The following HSPA12A variants were observed in gnomAD, a reference collection of about 807,000 sequenced individuals.
The protein encoded by HSPA12A is heat shock protein family A (Hsp70) member 12A.
Under a neutral mutation model 69.2 loss-of-function variants are expected in HSPA12A, and 28 were observed. The observed-to-expected ratio is 0.40, with a 90% confidence interval of 0.30 to 0.55. The LOEUF is 0.55. Among genes scored for constraint, HSPA12A ranks in the 20% least tolerant of loss-of-function variants. The pLI is 0.38. For missense variants in HSPA12A, 686 were observed against 900.7 expected (o/e 0.76, Z 3.05); for synonymous variants, 345 against 370.5 (o/e 0.93, Z 0.79).
chr10:116,788,473 C>A (rs748954680), intron 2 of HSPA12A, among the ~76,000 whole-genome samples: 1 of 152,186 alleles, frequency 6.6e-6, no homozygotes, highest in Non-Finnish European at 1.5e-5. Context: ...TTGCAAAATA[C>A]ATATTCTCAT....
chr10:116,711,188 T>C (rs1850414670), intron 1 of HSPA12A, among the ~76,000 whole-genome samples: 1 of 152,184 alleles, frequency 6.6e-6, no homozygotes, highest in African/African-American at 2.4e-5. Flanking sequence ...TGCCATTAAG[T>C]GTGGCCCTGC....
At chr10:116,715,731 T>C (rs781909683) in intron 1 of HSPA12A, among the ~76,000 whole-genome samples, 1 of 152,248 alleles carries the variant, frequency 6.6e-6, no homozygotes, top group Non-Finnish European at 1.5e-5. Context: ...TCAATGTTTT[T>C]CTTCCGCTGT....
upstream of HSPA12A, chr10:116,742,662 C>T (rs1851554686): frequency 1.1e-6 from 1 of 947,218 alleles, no homozygotes; most frequent in Non-Finnish European, 1.3e-6. Flanking sequence ...GCGCCCCGCC[C>T]CTCCGAGCTC....
chr10:116,699,972 C>G (rs991598529), intron 4 of HSPA12A, among the ~76,000 whole-genome samples: 2 of 152,230 alleles, frequency 1.3e-5, no homozygotes, highest in African/African-American at 4.8e-5. Context: ...CAAATGAAAG[C>G]AATTAGAATA....
At chr10:116,769,624 C>T (rs1419367078) in intron 2 of HSPA12A, among the ~76,000 whole-genome samples, 2 of 152,180 alleles carry the variant, frequency 1.3e-5, no homozygotes, top group Admixed American at 6.5e-5. Flanking sequence ...ATCGATTCCC[C>T]GTCTAAGTGC....
intron 6 of HSPA12A, among the ~76,000 whole-genome samples, chr10:116,690,771 C>T (rs1554880054): frequency 6.6e-6 from 1 of 152,090 alleles, no homozygotes; most frequent in African/African-American, 2.4e-5. Context: ...CTCAAACTCC[C>T]CTGACAGATT....
At chr10:116,787,440 CAA>C (rs776783179) in intron 2 of HSPA12A, among the ~76,000 whole-genome samples, 719 of 68,596 alleles carry the variant, frequency 0.01, 4 homozygotes, top group African/African-American at 0.034. Flanking sequence ...CTCTAGCCAG[CAA>C]AAAAAAAAAA....
At chr10:116,839,590 G>A (rs944097592) in intron 1 of HSPA12A, among the ~76,000 whole-genome samples, 3 of 120,578 alleles carry the variant, frequency 2.5e-5, no homozygotes, top group Admixed American at 1.0e-4. Context: ...AAAGGACTTC[G>A]TAGATGCCTA....
chr10:116,683,896 T>C lies in HSPA12A; in HGVS notation c.730A>G (p.Ile244Val), dbSNP rs368255966. 37 of 1,596,792 alleles carry C rather than the reference T, an allele frequency of 2.3e-5. No homozygotes were observed. Among genetic ancestry groups the C allele is most frequent in the Non-Finnish European group, 3.0e-5 (35 of 1,166,960 alleles). Residue 244 changes from isoleucine to valine, a missense_variant, in exon 7 of 12, where the codon ATC becomes GTC. Coordinates refer to ENST00000369209, the MANE Select transcript of HSPA12A (RefSeq NM_025015.3). Reference sequence around the variant, plus strand: ...TGTAGCCGCAGCTTTCGGCAGTAGATAGAGGCTGCCTCAGGCTCCAAGGCA... The same window carrying C: ...TGTAGCCGCAGCTTTCGGCAGTAGACAGAGGCTGCCTCAGGCTCCAAGGCA... The part of the protein sequence containing the change: ...IIALEPEAAS[I>V]YCRKLRLHQM...
upstream of HSPA12A, among the ~76,000 whole-genome samples, chr10:116,743,715 T>A (rs868981926): frequency 1.3e-5 from 2 of 150,416 alleles, no homozygotes. Context: ...GAGAGCGTTA[T>A]GGATGACGGA....
chr10:116,843,880 G>A (rs1238973837), intron 1 of HSPA12A, among the ~76,000 whole-genome samples: 2 of 152,108 alleles, frequency 1.3e-5, no homozygotes, highest in East Asian at 1.9e-4. Context: ...ATGTCTCTTC[G>A]TGGTGCTTAA....
intron 2 of HSPA12A, among the ~76,000 whole-genome samples, chr10:116,774,300 C>T (rs1169931771): frequency 1.1e-4 from 17 of 152,314 alleles, no homozygotes; most frequent in Admixed American, 5.2e-4. Context: ...TGAGCCACCG[C>T]GCCCGGCCGG....
intron 2 of HSPA12A, among the ~76,000 whole-genome samples, chr10:116,749,334 C>T (rs1244549905): frequency 1.3e-5 from 2 of 152,190 alleles, no homozygotes; most frequent in African/African-American, 4.8e-5. Flanking sequence ...CTGGGCATTG[C>T]TCTGGGAACC....
chr10:116,702,691 C>T (rs1242750618), intron 3 of HSPA12A, among the ~76,000 whole-genome samples: 1 of 151,952 alleles, frequency 6.6e-6, no homozygotes, highest in African/African-American at 2.4e-5. Flanking sequence ...TAGAGAATGA[C>T]CCCATGAGCT....
intron 4 of HSPA12A, 101 bp from the exon 5 acceptor site, chr10:116,698,840 G>T: frequency 1.1e-6 from 1 of 892,806 alleles, no homozygotes; most frequent in Non-Finnish European, 1.8e-6. Flanking sequence ...ATCCTGGTGA[G>T]CCATGTCTGT....
intron 2 of HSPA12A, among the ~76,000 whole-genome samples, chr10:116,780,526 A>ATTTAT (rs145237754): frequency 1.3e-3 from 186 of 148,464 alleles, no homozygotes; most frequent in East Asian, 4.0e-3. Context: ...TAATTTTTTG[A>ATTTAT]TTTATTTTAT....
rs187276091 is a variant in HSPA12A, at chr10:116,749,171, T to C, written c.92-41886A>G. Among the ~76,000 whole-genome samples, 480 of 152,314 alleles carry C rather than the reference T, an allele frequency of 3.2e-3. 2 individuals carry two copies. Among genetic ancestry groups the C allele is most frequent in the African/African-American group, 0.011 (449 of 41,586 alleles). On this transcript the variant is annotated intron_variant, in intron 2 of 12. Transcript: ENST00000635765. Reference sequence around the variant, plus strand: ...GTTTCACGTTATAGAGAAAAATGACTTTCCCCTTCTCCAGCCCATAGCCCA... The same window carrying C: ...GTTTCACGTTATAGAGAAAAATGACCTTCCCCTTCTCCAGCCCATAGCCCA...
intron 1 of HSPA12A, chr10:116,849,515 G>A: frequency 1.4e-6 from 2 of 1,452,980 alleles, no homozygotes; most frequent in Non-Finnish European, 1.8e-6. Context: ...CGACAGCAGG[G>A]ACGCTCGTGG....
intron 1 of HSPA12A, among the ~76,000 whole-genome samples, chr10:116,839,536 G>A (rs1845769682): frequency 7.3e-6 from 1 of 136,192 alleles, no homozygotes; most frequent in East Asian, 2.3e-4. Context: ...ATACCCCATT[G>A]AAAGAGATGC....
Sources: allele counts gnomAD v4.1 joint callset (sites outside exome capture counted in the v4.1 genomes callset), GRCh38; gene constraint gnomAD v4.1.1; transcripts MANE v1.5; gene names NCBI Gene and HGNC (gene_info 2026-07-23, HGNC 2026-07-21).